Variants in CA10 observed in about 807,000 individuals in gnomAD.
The protein encoded by CA10 is carbonic anhydrase 10 (inactive), also known as carbonic anhydrase-related protein 10.
CA10 carries 14 observed loss-of-function variants against 44.2 expected under a neutral mutation model. The ratio of observed to expected loss-of-function variants is 0.32; its 90% CI spans 0.21 to 0.50. The LOEUF (loss-of-function observed/expected upper bound fraction) is 0.50. CA10 is among the 20% of genes least tolerant of loss of function. The pLI is 0.99. For missense variants in CA10, 350 were observed against 409.7 expected (o/e 0.85, Z 1.26); for synonymous variants, 159 against 141.6 (o/e 1.12, Z -0.87).
chr17:51,791,912 T>G lies in CA10; in HGVS notation c.280-44094A>C, dbSNP rs150737467. 8.7e-3 allele frequency among the ~76,000 whole-genome samples: 1,318 copies of G among 152,310 alleles called. 19 individuals carry two copies. The highest frequency in any genetic ancestry group is 0.029 in the African/African-American group (1,218 of 41,558). ...ACCTTTATTTTAGAACCTATGTAAT[T>G]CTGATTTGTATTAAAATTCTTTATG... is the stretch of plus-strand genomic sequence containing the variant. On this transcript the variant is annotated intron_variant, in intron 3 of 8. Transcript: ENST00000451037.
chr17:51,728,753 G>A (rs1479059305), intron 4 of CA10, among the ~76,000 whole-genome samples: 2 of 152,134 alleles, frequency 1.3e-5, no homozygotes, highest in Non-Finnish European at 2.9e-5. Context: ...GCTTTTCTTT[G>A]GAAGGAAGTT....
intron 1 of CA10, among the ~76,000 whole-genome samples, chr17:52,081,599 G>C (rs1313636910): frequency 1.3e-5 from 2 of 152,002 alleles, no homozygotes; most frequent in Non-Finnish European, 2.9e-5. Flanking sequence ...AGGAGATCGA[G>C]ACCATCCCGG....
At chr17:52,157,639 C>A in intron 1 of CA10, 87 bp downstream of exon 1, 1 of 1,226,674 alleles carries the variant, frequency 8.2e-7, no homozygotes, top group Non-Finnish European at 1.2e-6. Flanking sequence ...CCTCTCTCTG[C>A]CCCGCGGCTA....
At chr17:51,802,565 G>GAAAAAA (rs754344655) in intron 3 of CA10, among the ~76,000 whole-genome samples, 13 of 90,616 alleles carry the variant, frequency 1.4e-4, no homozygotes, top group African/African-American at 4.0e-4. Flanking sequence ...CCTGATGTCT[G>GAAAAAA]AAAAAAAAAA....
chr17:52,062,814 G>A (rs1987426038), intron 2 of CA10, among the ~76,000 whole-genome samples: 1 of 152,254 alleles, frequency 6.6e-6, no homozygotes, highest in Admixed American at 6.5e-5. Flanking sequence ...CTTCTGCAGG[G>A]AAGGAGCTCC....
chr17:52,108,660 A>G (rs1412056169), intron 1 of CA10, among the ~76,000 whole-genome samples: 4 of 144,096 alleles, frequency 2.8e-5, no homozygotes, highest in Non-Finnish European at 6.1e-5. Flanking sequence ...AGATTGAGCC[A>G]TTGCACTCCA....
chr17:51,880,751 TAAA>T (rs912249934), intron 3 of CA10, among the ~76,000 whole-genome samples: 5 of 149,476 alleles, frequency 3.3e-5, no homozygotes, highest in African/African-American at 9.9e-5. Context: ...GTTTCAGTAA[TAAA>T]AAAAAATAAG....
chr17:51,958,325 C>T (rs1388568069), intron 2 of CA10, among the ~76,000 whole-genome samples: 2 of 149,662 alleles, frequency 1.3e-5, no homozygotes, highest in African/African-American at 4.9e-5. Flanking sequence ...AGGTTCAATT[C>T]CCTGGGCAAG....
At chr17:51,654,376 T>C (rs888079594) in intron 4 of CA10, among the ~76,000 whole-genome samples, 8 of 152,226 alleles carry the variant, frequency 5.3e-5, no homozygotes, top group African/African-American at 1.2e-4. Flanking sequence ...AAAAATCGTG[T>C]ATAAACATAC....
chr17:51,938,979 G>GT lies in CA10; in HGVS notation c.137-7848dup, dbSNP rs1317471450. On this transcript the variant is annotated intron_variant, in intron 2 of 8. Coordinates refer to ENST00000451037, the MANE Select transcript of CA10 (RefSeq NM_020178.5). ...AACCAAAGGAAGTAATGTATGTATG[G>GT]TAACAGGTCAAATGATCCACAGGTG... Among the ~76,000 whole-genome samples, 4 of 152,130 alleles carry GT rather than the reference G, an allele frequency of 2.6e-5. No individual in the cohort carries two copies. In the East Asian group the frequency reaches 7.8e-4, roughly 29 times the overall value.
At chr17:52,045,453 T>C (rs1219421400) in intron 2 of CA10, among the ~76,000 whole-genome samples, 2 of 151,926 alleles carry the variant, frequency 1.3e-5, no homozygotes, top group African/African-American at 2.4e-5. Context: ...AAAAGATAAA[T>C]TATGATTTAA....
intron 2 of CA10, among the ~76,000 whole-genome samples, chr17:51,945,617 T>C (rs1257284938): frequency 6.6e-6 from 1 of 152,070 alleles, no homozygotes; most frequent in Admixed American, 6.6e-5. Flanking sequence ...GGATTAGTAA[T>C]CTCATTTCTT....
At chr17:52,086,117 G>T (rs916826797) in intron 1 of CA10, among the ~76,000 whole-genome samples, 12 of 152,070 alleles carry the variant, frequency 7.9e-5, no homozygotes, top group African/African-American at 2.9e-4. Flanking sequence ...TCTTTATTTT[G>T]GAGTGGTTTA....
At chr17:51,876,461 C>CACTCTGTA (rs1567869942) in intron 3 of CA10, among the ~76,000 whole-genome samples, 2 of 151,244 alleles carry the variant, frequency 1.3e-5, no homozygotes, top group Non-Finnish European at 2.9e-5. Flanking sequence ...GGGATTACAG[C>CACTCTGTA]ATGAGTCAGT....
At chr17:51,746,513 T>C (rs1904693492) in intron 4 of CA10, among the ~76,000 whole-genome samples, 1 of 152,226 alleles carries the variant, frequency 6.6e-6, no homozygotes, top group Non-Finnish European at 1.5e-5. Flanking sequence ...TCTGTGAAGC[T>C]TCTCCTGACC....
intron 3 of CA10, among the ~76,000 whole-genome samples, chr17:51,775,752 G>T (rs1049591597): frequency 3.3e-5 from 5 of 152,140 alleles, no homozygotes; most frequent in Non-Finnish European, 5.9e-5. Context: ...GAAGTTGAAG[G>T]TTGTTTTCTC....
intron 4 of CA10, among the ~76,000 whole-genome samples, chr17:51,659,246 C>T (rs1361127448): frequency 6.6e-6 from 1 of 152,116 alleles, no homozygotes; most frequent in East Asian, 1.9e-4. Flanking sequence ...GGGCATCCCT[C>T]TTTCTTTGCC....
chr17:51,919,750 C>G (rs944372518), intron 3 of CA10, among the ~76,000 whole-genome samples: 17 of 152,186 alleles, frequency 1.1e-4, no homozygotes, highest in Non-Finnish European at 2.5e-4. Flanking sequence ...CTCCCTGGTT[C>G]AAGCAATTCT....
chr17:51,964,856 GAACA>G (rs1318911479), intron 2 of CA10, among the ~76,000 whole-genome samples: 1 of 151,520 alleles, frequency 6.6e-6, no homozygotes, highest in African/African-American at 2.4e-5. Flanking sequence ...TGAAAAACAA[GAACA>G]AACTGACCCC....
Sources: allele counts gnomAD v4.1 joint callset (sites outside exome capture counted in the v4.1 genomes callset), GRCh38; gene constraint gnomAD v4.1.1; transcripts MANE v1.5; gene names NCBI Gene and HGNC (gene_info 2026-07-23, HGNC 2026-07-21).